Variants in STARD13 observed in about 807,000 individuals in gnomAD.
STARD13 encodes the protein stAR-related lipid transfer protein 13.
A neutral mutation model predicts 106.4 loss-of-function variants in STARD13; 62 were observed. The observed-to-expected ratio is 0.58, with a 90% CI of 0.48 to 0.72. STARD13 has a LOEUF of 0.72. STARD13 is among the 30% of genes least tolerant of loss of function. The pLI is 0.00. For missense variants in STARD13, 1,387 were observed against 1,424.0 expected, an observed-to-expected ratio of 0.97 and a Z score of 0.42; for synonymous variants, 565 against 553.0, an observed-to-expected ratio of 1.02 and a Z score of -0.31.
the STARD13 span, among the ~76,000 whole-genome samples, chr13:33,445,002 T>C: frequency 6.6e-6 from 1 of 152,196 alleles, no homozygotes; most frequent in Non-Finnish European, 1.5e-5. Context: ...TTTGCCCACA[T>C]AGCCAAATAT....
At chr13:33,369,721 C>T in the STARD13 span, among the ~76,000 whole-genome samples, 4 of 151,896 alleles carry the variant, frequency 2.6e-5, no homozygotes, top group Non-Finnish European at 5.9e-5. Flanking sequence ...ATATTTTTTA[C>T]ATACAGTTTT....
chr13:33,152,062 C>T (rs1881354195), intron 3 of STARD13, among the ~76,000 whole-genome samples: 1 of 152,122 alleles, frequency 6.6e-6, no homozygotes, highest in Non-Finnish European at 1.5e-5. Flanking sequence ...ATTTTAGGGG[C>T]CCTGTCACAT....
At chr13:33,154,594 G>C (rs955727743) in intron 3 of STARD13, among the ~76,000 whole-genome samples, 2 of 151,952 alleles carry the variant, frequency 1.3e-5, no homozygotes, top group Non-Finnish European at 2.9e-5. Context: ...AAAAGTGATG[G>C]CCAAAGTGGC....
At chr13:33,566,826 C>T in the STARD13 span, among the ~76,000 whole-genome samples, 1 of 148,104 alleles carries the variant, frequency 6.8e-6, no homozygotes, top group South Asian at 2.1e-4. Context: ...TTCCATCCTT[C>T]CATAGTCAGT....
the STARD13 span, among the ~76,000 whole-genome samples, chr13:33,670,131 A>C: frequency 6.6e-6 from 1 of 152,204 alleles, no homozygotes; most frequent in African/African-American, 2.4e-5. Context: ...TGTATTCACA[A>C]GCAAGGAAAG....
At chr13:33,442,156 T>C in the STARD13 span, among the ~76,000 whole-genome samples, 1 of 152,362 alleles carries the variant, frequency 6.6e-6, no homozygotes. Flanking sequence ...ACAATAATGT[T>C]CTGACAATCA....
intron 1 of STARD13, among the ~76,000 whole-genome samples, chr13:33,224,504 G>A (rs1888521932): frequency 6.6e-6 from 1 of 152,166 alleles, no homozygotes; most frequent in South Asian, 2.1e-4. Context: ...CAGCGTGATG[G>A]AGACTTCATC....
chr13:33,283,490 T>G (rs1435566273), intron 1 of STARD13, among the ~76,000 whole-genome samples: 1 of 152,212 alleles, frequency 6.6e-6, no homozygotes, highest in Non-Finnish European at 1.5e-5. Context: ...CCACATTCTC[T>G]GAAATTACAG....
At chr13:33,459,780 T>C in the STARD13 span, among the ~76,000 whole-genome samples, 1 of 152,238 alleles carries the variant, frequency 6.6e-6, no homozygotes, top group Admixed American at 6.5e-5. Context: ...TTTGTATGTG[T>C]AAACCAGTCA....
At chr13:33,613,458 G>C in the STARD13 span, among the ~76,000 whole-genome samples, 1 of 152,236 alleles carries the variant, frequency 6.6e-6, no homozygotes, top group Non-Finnish European at 1.5e-5. Context: ...TGAGGGTGCA[G>C]TAAGGTGGTG....
chr13:33,167,295 C>T (rs566926730), intron 2 of STARD13, among the ~76,000 whole-genome samples: 19 of 152,122 alleles, frequency 1.2e-4, no homozygotes, highest in African/African-American at 4.6e-4. Flanking sequence ...GGAAGGAAAA[C>T]GTCGAGTTGG....
chr13:33,648,924 C>A, the STARD13 span, among the ~76,000 whole-genome samples: 1 of 151,138 alleles, frequency 6.6e-6, no homozygotes, highest in Non-Finnish European at 1.5e-5. Flanking sequence ...TCCCTAGTAG[C>A]TGGGATTACA....
chr13:33,141,002 C>T (rs1309166337), intron 4 of STARD13, among the ~76,000 whole-genome samples: 4 of 152,194 alleles, frequency 2.6e-5, no homozygotes, highest in African/African-American at 4.8e-5. Context: ...AGATGATCCA[C>T]CTGTCTTGGG....
the STARD13 span, among the ~76,000 whole-genome samples, chr13:33,628,729 C>T: frequency 6.6e-6 from 1 of 152,172 alleles, no homozygotes; most frequent in Non-Finnish European, 1.5e-5. Context: ...CATTCATCTG[C>T]CCCAGGGAGG....
intron 1 of STARD13, among the ~76,000 whole-genome samples, chr13:33,201,363 T>C (rs1325068243): frequency 2.0e-5 from 3 of 152,220 alleles, no homozygotes; most frequent in African/African-American, 7.2e-5. Flanking sequence ...TGAACCTATT[T>C]TTGTCAGTGA....
chr13:33,290,597 C>T (rs1310975596), upstream of STARD13, among the ~76,000 whole-genome samples: 3 of 152,228 alleles, frequency 2.0e-5, no homozygotes, highest in South Asian at 4.1e-4. Flanking sequence ...CAGATCCTGC[C>T]GCAAACACTT....
the STARD13 span, among the ~76,000 whole-genome samples, chr13:33,564,284 A>G: frequency 6.8e-6 from 1 of 146,254 alleles, no homozygotes; most frequent in African/African-American, 2.6e-5. Flanking sequence ...CAATAGGTAT[A>G]TTTTAAAATG....
At chr13:33,264,133 G>A (rs1177199426) in intron 1 of STARD13, among the ~76,000 whole-genome samples, 1 of 152,204 alleles carries the variant, frequency 6.6e-6, no homozygotes, top group African/African-American at 2.4e-5. Context: ...TGCCAGTCAT[G>A]CAAGTGCCCA....
chr13:33,111,967 G>A (rs1593856773), intron 9 of STARD13, 75 bp from the exon 10 acceptor site: 1 of 921,398 alleles, frequency 1.1e-6, no homozygotes, highest in South Asian at 1.4e-5. Flanking sequence ...CATCCCTTTT[G>A]TTTTCTGTTT....
Sources: allele counts gnomAD v4.1 joint callset (sites outside exome capture counted in the v4.1 genomes callset), GRCh38; gene constraint gnomAD v4.1.1; transcripts MANE v1.5; gene names NCBI Gene and HGNC (gene_info 2026-07-23, HGNC 2026-07-21).